The following EIF3E variants were observed in gnomAD, a reference collection of about 807,000 sequenced individuals.
EIF3E encodes the protein eukaryotic translation initiation factor 3 subunit E.
EIF3E carries 25 observed loss-of-function variants against 59.3 expected under a neutral mutation model. That is an observed-to-expected ratio of 0.42 (90% confidence interval 0.31 to 0.59). The LOEUF (loss-of-function observed/expected upper bound fraction) is 0.59, where lower values mean the gene tolerates loss of function less well. Ranked by LOEUF, EIF3E falls within the 20% of genes least tolerant of loss-of-function variation. The pLI is 0.15. For synonymous variants in EIF3E, 176 were observed against 170.2 expected, an observed-to-expected ratio of 1.03 and a Z score of -0.26; for missense variants, 317 against 534.3, an observed-to-expected ratio of 0.59 and a Z score of 4.01.
intron 10 of EIF3E, among the ~76,000 whole-genome samples, chr8:108,213,359 T>G (rs1339980171): frequency 6.6e-6 from 1 of 152,216 alleles, no homozygotes; most frequent in Non-Finnish European, 1.5e-5. Flanking sequence ...ATTTATATTG[T>G]ATACTCACAC....
intron 7 of EIF3E, among the ~76,000 whole-genome samples, chr8:108,225,333 C>T (rs1357211946): frequency 6.6e-6 from 1 of 151,498 alleles, no homozygotes; most frequent in Non-Finnish European, 1.5e-5. Context: ...TGCTTAAACC[C>T]GTTTCTATGG....
intron 7 of EIF3E, among the ~76,000 whole-genome samples, chr8:108,224,342 TC>T (rs1308249339): frequency 6.6e-6 from 1 of 151,622 alleles, no homozygotes; most frequent in Admixed American, 6.6e-5. Context: ...ACTACTTTTT[TC>T]ATAAATCTTA....
At chr8:108,228,416 TA>T (rs779188474) in intron 6 of EIF3E, 25 bp from the exon 7 acceptor site, 1 of 1,425,850 alleles carries the variant, frequency 7.0e-7, no homozygotes, top group African/African-American at 1.5e-5. Context: ...AATATATACA[TA>T]AAAAATATTA....
chr8:108,224,494 G>C (rs1175044358), intron 7 of EIF3E, among the ~76,000 whole-genome samples: 1 of 151,250 alleles, frequency 6.6e-6, no homozygotes, highest in Non-Finnish European at 1.5e-5. Context: ...AAGTCAACTG[G>C]GTATATTTCC....
intron 5 of EIF3E, among the ~76,000 whole-genome samples, chr8:108,230,786 A>ATG (rs1815608516): frequency 6.6e-6 from 1 of 152,220 alleles, no homozygotes; most frequent in Admixed American, 6.5e-5. Flanking sequence ...TCAATAGATG[A>ATG]ATATATTAAA....
chr8:108,232,035 A>T (rs918600893), intron 5 of EIF3E: 14 of 152,026 alleles, frequency 9.2e-5, no homozygotes, highest in Non-Finnish European at 1.8e-4. Flanking sequence ...ATTTAGAAAT[A>T]AAAAAAGGCC....
intron 8 of EIF3E, among the ~76,000 whole-genome samples, 166 bp from the exon 9 acceptor site, chr8:108,216,679 A>C (rs1372898407): frequency 1.3e-5 from 2 of 152,098 alleles, no homozygotes; most frequent in Non-Finnish European, 2.9e-5. Context: ...TCCAGACCAC[A>C]CCTTAAGCTT....
At chr8:108,243,633 A>G (rs796831152) in intron 1 of EIF3E, among the ~76,000 whole-genome samples, 14 of 148,030 alleles carry the variant, frequency 9.5e-5, no homozygotes, top group African/African-American at 3.6e-4. Flanking sequence ...TGTCTCAAAA[A>G]AAAAGAAAAA....
intron 5 of EIF3E, 62 bp from the exon 6 acceptor site, chr8:108,229,257 G>A: frequency 3.2e-6 from 5 of 1,544,660 alleles, no homozygotes; most frequent in Non-Finnish European, 4.4e-6. Flanking sequence ...CATAATGTAT[G>A]TTTTATACCC....
At chr8:108,215,834 T>A (rs761477440) in intron 9 of EIF3E, among the ~76,000 whole-genome samples, 1 of 152,176 alleles carries the variant, frequency 6.6e-6, no homozygotes, top group African/African-American at 2.4e-5. Flanking sequence ...TGTAAACTAA[T>A]TATTCAAAAC....
rs548352903 is a variant in EIF3E at position 108,223,975 on chromosome 8, T to C, written c.722+4292A>G. ...GCTCACACCAGTAATCCCAGCACTT[T>C]GGGATTCCAAGGTGGGCGGGTCACG... On this transcript the variant is annotated intron_variant, in intron 7 of 12. Transcript: ENST00000220849. Among the ~76,000 whole-genome samples the C allele has an allele frequency of 3.3e-5, 5 of 151,204 alleles. No homozygotes were observed. In the South Asian group the frequency reaches 1.0e-3, roughly 31 times the overall value.
chr8:108,215,561 T>C lies in EIF3E; in HGVS notation c.952-845A>G, dbSNP rs141089397. ...TGAACCCGGGAGGTGGAGTTTGCAG[T>C]GAGCCGGGATCATGCCACTGCACTC... is the stretch of plus-strand genomic sequence containing the variant. On this transcript the variant is annotated intron_variant, in intron 9 of 12. Transcript: ENST00000220849. Among the ~76,000 whole-genome samples the C allele has an allele frequency of 4.4e-3, 672 of 152,108 alleles. 6 individuals are homozygous for C. The highest frequency in any genetic ancestry group is 0.015 in the African/African-American group (607 of 41,476).
rs889131407 is a variant in EIF3E at position 108,236,309 on chromosome 8, T to C, written c.324-106A>G. 1.4e-5 allele frequency: 10 copies of C among 722,994 alleles called. No homozygotes were observed. The African/African-American group carries it at 1.6e-4, about 12-fold the overall frequency. 44.8% of individuals were successfully genotyped at this position (722,994 alleles called of 1,614,324 possible). ...CCTACGCAAAGTCACCTTAAATAAA[T>C]ACTTAAATGTTAAAAGACTTCCAGA... On this transcript the variant is annotated intron_variant, in intron 3 of 12. Transcript: ENST00000220849.
At chr8:108,204,731 G>A (rs977143519) in intron 10 of EIF3E, among the ~76,000 whole-genome samples, 12 of 86,772 alleles carry the variant, frequency 1.4e-4, no homozygotes, top group East Asian at 3.7e-4. Flanking sequence ...TAGTATGTAT[G>A]TATATATATA....
intron 5 of EIF3E, among the ~76,000 whole-genome samples, chr8:108,232,785 G>T (rs1309416701): frequency 6.6e-6 from 1 of 152,160 alleles, no homozygotes; most frequent in Admixed American, 6.5e-5. Context: ...GGATATGCTA[G>T]AAGAGTTTCA....
At chr8:108,217,564 A>C in intron 7 of EIF3E, 104 bp from the exon 8 acceptor site, 1 of 915,502 alleles carries the variant, frequency 1.1e-6, no homozygotes, top group Non-Finnish European at 1.6e-6. Context: ...CTAAGACTGC[A>C]AACACTTAAG....
intron 10 of EIF3E, among the ~76,000 whole-genome samples, chr8:108,204,084 C>A (rs750179549): frequency 4.6e-5 from 7 of 151,786 alleles, no homozygotes; most frequent in Non-Finnish European, 7.4e-5. Context: ...AAAATATCAC[C>A]CCATTTTATT....
At chr8:108,211,880 AAC>A (rs1352646762) in intron 10 of EIF3E, among the ~76,000 whole-genome samples, 1 of 152,264 alleles carries the variant, frequency 6.6e-6, no homozygotes, top group Admixed American at 6.5e-5. Flanking sequence ...AAGATTCTGA[AAC>A]ACAGAGTTAA....
chr8:108,214,434 T>C (rs993983672), intron 10 of EIF3E, among the ~76,000 whole-genome samples, 173 bp downstream of exon 10: 1 of 152,224 alleles, frequency 6.6e-6, no homozygotes, highest in Non-Finnish European at 1.5e-5. Context: ...TCTGAGCCTG[T>C]AGCAAAAGTT....
Sources: allele counts gnomAD v4.1 joint callset (sites outside exome capture counted in the v4.1 genomes callset), GRCh38; gene constraint gnomAD v4.1.1; transcripts MANE v1.5; gene names NCBI Gene and HGNC (gene_info 2026-07-23, HGNC 2026-07-21).